The following TDRKH variants were observed in gnomAD, a reference collection of about 807,000 sequenced individuals.
TDRKH encodes the protein tudor and KH domain containing.
A neutral mutation model predicts 61.3 loss-of-function variants in TDRKH; 28 were observed. The observed-to-expected ratio is 0.46, with a 90% CI of 0.34 to 0.63. The LOEUF is 0.63. Among genes scored for constraint, TDRKH ranks in the 20% least tolerant of loss-of-function variants. The pLI, the probability that TDRKH is intolerant of heterozygous loss-of-function variation, is 0.01. For synonymous variants in TDRKH, 219 were observed against 244.4 expected (o/e 0.90, Z 0.97); for missense variants, 540 against 683.4 (o/e 0.79, Z 2.34).
downstream of TDRKH, chr1:151,767,352 C>A: frequency 6.3e-7 from 1 of 1,585,326 alleles, no homozygotes; most frequent in South Asian, 1.1e-5. Context: ...TCTTGCATAC[C>A]TTGCAGAGGA....
intron 1 of TDRKH, among the ~76,000 whole-genome samples, chr1:151,788,398 G>A (rs893824953): frequency 2.0e-5 from 3 of 152,186 alleles, no homozygotes; most frequent in African/African-American, 7.2e-5. Context: ...TGTCTGGCAA[G>A]GAAGATCTTG....
Position 151,774,437 on chromosome 1 carries a change from A to C in TDRKH, c.*15T>G. On this transcript the variant is annotated 3_prime_UTR_variant, in exon 13 of 13. Coordinates refer to ENST00000368824, the MANE Select transcript of TDRKH (RefSeq NM_001083965.2). Reference sequence around the variant, plus strand: ...CACAGCAAAGCAGATGGCTGAGCAAACTGAAGCCCAGACTTCAGAGTAAGT... The same window carrying C: ...CACAGCAAAGCAGATGGCTGAGCAACCTGAAGCCCAGACTTCAGAGTAAGT... 1 of 1,613,834 alleles carries C rather than the reference A, an allele frequency of 6.2e-7. No homozygotes were observed. Among genetic ancestry groups the C allele is most frequent in the Non-Finnish European group, 8.5e-7 (1 of 1,179,772 alleles).
Position 151,778,630 on chromosome 1 carries a change from T to C in TDRKH, c.883+55A>G, listed in dbSNP as rs921099126. ...GGCATTCCTTCTAATCTCTCCAATA[T>C]CTAAGCCAGTATTTCTATCTTCAAT... On this transcript the variant is annotated intron_variant, in intron 6 of 12. Coordinates refer to ENST00000368824, the MANE Select transcript of TDRKH (RefSeq NM_001083965.2). 6.9e-6 allele frequency: 11 copies of C among 1,603,720 alleles called. No homozygotes were observed. In the Admixed American group the frequency reaches 8.5e-5, roughly 12 times the overall value.
chr1:151,771,091 G>C (rs1388304498), downstream of TDRKH: 4 of 1,595,924 alleles, frequency 2.5e-6, no homozygotes, highest in South Asian at 4.6e-5. Flanking sequence ...CCTGCTGCGG[G>C]CCTTCAGCTA....
At position 151,775,478 on chromosome 1, in the gene TDRKH, G is replaced by A. The variant is rs1288944276; in HGVS notation, c.1348C>T (p.Pro450Ser). The stretch of plus-strand genomic sequence containing the variant: ...TAGCTAGAGATCTTGGCTACCAGAG[G>A]CTTCCAGTCAGCACAATGAGTGAGT... ...DRLTHCADWK[P>S]LVAKISSYVQ... The change falls in exon 10 of 13, where the codon CCT becomes TCT. Residue 450 changes from proline (P) to serine (S), a missense_variant. By Grantham distance (74) the Pro-to-Ser change is moderately conservative. Coordinates refer to ENST00000368824, the MANE Select transcript of TDRKH (RefSeq NM_001083965.2). The A allele has an allele frequency of 1.2e-6, 2 of 1,614,106 alleles. No individual in the cohort carries two copies. Among genetic ancestry groups the A allele is most frequent in the Non-Finnish European group, 8.5e-7 (1 of 1,180,016 alleles).
intron 4 of TDRKH, among the ~76,000 whole-genome samples, chr1:151,779,537 A>G (rs1426303474): frequency 6.6e-6 from 1 of 152,208 alleles, no homozygotes. Context: ...GATATGCTAC[A>G]TAGTGTGTCA....
intron 1 of TDRKH, 174 bp from the exon 2 acceptor site, chr1:151,783,223 T>C (rs926735374): frequency 4.5e-6 from 2 of 442,912 alleles, no homozygotes; most frequent in African/African-American, 4.1e-5. Flanking sequence ...GGGTATTTTT[T>C]AAAAGTTAGC....
chr1:151,769,033 G>T (rs1297330166), downstream of TDRKH, among the ~76,000 whole-genome samples: 2 of 152,088 alleles, frequency 1.3e-5, no homozygotes, highest in East Asian at 3.9e-4. Context: ...TCTTAGTACA[G>T]AACAAAATGG....
At chr1:151,780,666 T>A (rs1201238917) in intron 3 of TDRKH, among the ~76,000 whole-genome samples, 1 of 151,998 alleles carries the variant, frequency 6.6e-6, no homozygotes, top group African/African-American at 2.4e-5. Context: ...CTGGCTAACA[T>A]GGTGAAACCC....
rs150214020 is a variant in TDRKH, at chr1:151,786,204, C to T, written c.-27-3155G>A. On this transcript the variant is annotated intron_variant, in intron 1 of 12. Coordinates refer to ENST00000368824, the MANE Select transcript of TDRKH (RefSeq NM_001083965.2). ...CTAGCACCGAAATCTCACTGAGGAGCAGATATAGTCAGGTAAGGGAGGCTG... is the reference window on the plus strand; with the variant it reads ...CTAGCACCGAAATCTCACTGAGGAGTAGATATAGTCAGGTAAGGGAGGCTG... Among the ~76,000 whole-genome samples, 6 of 152,278 alleles carry T rather than the reference C, an allele frequency of 3.9e-5. No individual in the cohort carries two copies. In the East Asian group the frequency reaches 9.6e-4, roughly 24 times the overall value.
chr1:151,769,051 T>C (rs1381692755), downstream of TDRKH, among the ~76,000 whole-genome samples: 2 of 152,090 alleles, frequency 1.3e-5, no homozygotes, highest in Non-Finnish European at 2.9e-5. Context: ...TGGAGTCTCC[T>C]ATGTCTACTT....
rs748046177 is a variant in TDRKH, at chr1:151,775,467, G to C, written c.1359C>G (p.Ala453=). ...CAGTCTGGACATAGCTAGAGATCTT[G>C]GCTACCAGAGGCTTCCAGTCAGCAC... ...THCADWKPLV[A]KISSYVQTGI... is the part of the protein sequence containing the mutation. The change falls in exon 10 of 13, where the codon GCC becomes GCG. Residue 453 remains alanine, a synonymous_variant. Coordinates refer to ENST00000368824, the MANE Select transcript of TDRKH (RefSeq NM_001083965.2). The C allele has an allele frequency of 2.5e-6, 4 of 1,614,128 alleles. No individual in the cohort carries two copies. The highest frequency in any genetic ancestry group is 2.5e-6 in the Non-Finnish European group (3 of 1,180,018).
Position 151,775,076 on chromosome 1 carries a change from A to G in TDRKH, c.1525T>C (p.Leu509=), listed in dbSNP as rs374593543. 8 of 1,614,014 alleles carry G rather than the reference A, an allele frequency of 5.0e-6. No individual in the cohort carries two copies. Among genetic ancestry groups the G allele is most frequent in the Non-Finnish European group, 6.8e-6 (8 of 1,180,020 alleles). ...IEENRAVPDM[L]KDMATETDAS... ...CTACAATAGCTCACCATGTCCTTCA[A>G]CATGTCTGGGACAGCTCTGTTTTCT... The change falls in exon 11 of 13, where the codon TTG becomes CTG. Residue 509 remains leucine (L), a synonymous_variant. Transcript: ENST00000368824.
At chr1:151,776,714 G>T in intron 6 of TDRKH, 115 bp from the exon 7 acceptor site, 2 of 1,185,934 alleles carry the variant, frequency 1.7e-6, no homozygotes, top group Non-Finnish European at 2.4e-6. Context: ...TTTTAAAATG[G>T]CAGGAGAGGC....
intron 1 of TDRKH, chr1:151,783,606 CA>C (rs1558148454): frequency 6.6e-6 from 1 of 152,290 alleles, no homozygotes; most frequent in African/African-American, 2.4e-5. Context: ...ACAGGTCATG[CA>C]TGGAGCCTTA....
chr1:151,776,136 C>T lies in TDRKH; in HGVS notation c.1177G>A (p.Asp393Asn). ...TCCTTCAGTGGGCAATCTCCATTAT[C>T]TCCAAAGTCAACAAAATAGAGGTCC... is the stretch of plus-strand genomic sequence containing the variant. The part of the protein sequence containing the change: ...NLDLYFVDFG[D>N]NGDCPLKDLR... Residue 393 changes from aspartate (D) to asparagine (N), a missense_variant, in exon 8 of 13, where the codon GAT (aspartate) becomes AAT (asparagine). Coordinates refer to ENST00000368824, the MANE Select transcript of TDRKH (RefSeq NM_001083965.2). The T allele has an allele frequency of 1.9e-6, 3 of 1,614,116 alleles. No individual in the cohort carries two copies. The highest frequency in any genetic ancestry group is 2.5e-6 in the Non-Finnish European group (3 of 1,180,014).
intron 11 of TDRKH, 55 bp from the exon 12 acceptor site, chr1:151,774,861 G>T (rs915171005): frequency 6.3e-7 from 1 of 1,583,810 alleles, no homozygotes; most frequent in African/African-American, 1.3e-5. Context: ...TAGGAAAAAA[G>T]AGGCCACCCT....
downstream of TDRKH, chr1:151,769,525 T>C (rs7521817): frequency 0.44 from 77,814 of 177,648 alleles, 17,856 homozygotes; most frequent in Non-Finnish European, 0.52. Context: ...CGTGGCCGGG[T>C]AGAGGCGCTC....
chr1:151,772,767 T>A (rs996515084), downstream of TDRKH, among the ~76,000 whole-genome samples: 2 of 152,250 alleles, frequency 1.3e-5, no homozygotes, highest in African/African-American at 2.4e-5. Flanking sequence ...CTACATGAGC[T>A]ACTTACCAGA....
Sources: gnomAD v4.1 joint callset for allele counts (sites outside exome capture counted in the v4.1 genomes callset) on GRCh38, gnomAD v4.1.1 for gene constraint, MANE v1.5 for transcripts, NCBI Gene and HGNC (gene_info 2026-07-23, HGNC 2026-07-21) for gene names.